The following LARGE1 variants were observed in gnomAD, a reference collection of about 807,000 sequenced individuals.
The protein encoded by LARGE1 is xylosyl- and glucuronyltransferase LARGE1.
A neutral mutation model predicts 87.6 loss-of-function variants in LARGE1; 43 were observed. The ratio of observed to expected loss-of-function variants is 0.49; its 90% confidence interval spans 0.38 to 0.63. The LOEUF (loss-of-function observed/expected upper bound fraction) is 0.63, where lower values mean the gene tolerates loss of function less well. Among genes scored for constraint, LARGE1 ranks in the 30% least tolerant of loss-of-function variants. LARGE1 has a pLI of 0.00. For missense variants in LARGE1, 802 were observed against 1,000.2 expected (o/e 0.80, Z 2.67); for synonymous variants, 434 against 394.6 (o/e 1.10, Z -1.18).
At chr22:33,240,069 G>A (rs1926443087) in intron 11 of LARGE1, among the ~76,000 whole-genome samples, 2 of 152,144 alleles carry the variant, frequency 1.3e-5, no homozygotes, top group Non-Finnish European at 2.9e-5. Flanking sequence ...GTAAGAAACT[G>A]CCAAACCTTT....
intron 2 of LARGE1, among the ~76,000 whole-genome samples, chr22:33,691,495 G>C (rs1365938503): frequency 6.6e-6 from 1 of 152,150 alleles, no homozygotes; most frequent in African/African-American, 2.4e-5. Flanking sequence ...TGACTGCACA[G>C]TAAGAAACTA....
At chr22:33,383,313 A>G (rs1487455753) in intron 8 of LARGE1, among the ~76,000 whole-genome samples, 4 of 152,204 alleles carry the variant, frequency 2.6e-5, no homozygotes, top group African/African-American at 4.8e-5. Flanking sequence ...TAATCCCAGC[A>G]CTTTGGGAGG....
exon 12 of LARGE1, chr22:33,165,803 T>C (rs771931220): frequency 8.6e-5 from 13 of 151,994 alleles, no homozygotes; most frequent in Non-Finnish European, 1.3e-4. Context: ...ATGAGATGAA[T>C]TTGAAAATCT....
intron 2 of LARGE1, among the ~76,000 whole-genome samples, chr22:33,689,006 A>C (rs1248053568): frequency 2.0e-5 from 3 of 152,106 alleles, no homozygotes; most frequent in African/African-American, 7.2e-5. Context: ...AAATGTAAAA[A>C]CACTACATTA....
At chr22:33,305,706 G>T in intron 11 of LARGE1, 1 of 523,700 alleles carries the variant, frequency 1.9e-6, no homozygotes, top group Non-Finnish European at 2.5e-6. Context: ...CAGTAATTCT[G>T]TTAAGTGGCA....
chr22:33,768,103 A>T (rs963474411), intron 1 of LARGE1, among the ~76,000 whole-genome samples: 3 of 152,174 alleles, frequency 2.0e-5, no homozygotes, highest in Non-Finnish European at 2.9e-5. Flanking sequence ...AGGTCAGGAG[A>T]TTGAGACCAT....
chr22:33,646,287 G>A (rs1053943236), intron 3 of LARGE1, among the ~76,000 whole-genome samples: 4 of 152,152 alleles, frequency 2.6e-5, no homozygotes, highest in Non-Finnish European at 5.9e-5. Context: ...CCTTTGTGGG[G>A]ACATGAATGA....
chr22:33,878,448 T>C (rs1348735703), intron 1 of LARGE1, among the ~76,000 whole-genome samples: 2 of 152,164 alleles, frequency 1.3e-5, no homozygotes, highest in African/African-American at 4.8e-5. Context: ...TGTATTTCTA[T>C]CTGACAAAAT....
At chr22:33,100,903 G>A in the LARGE1 span, among the ~76,000 whole-genome samples, 2 of 150,826 alleles carry the variant, frequency 1.3e-5, no homozygotes, top group Non-Finnish European at 1.5e-5. Context: ...GCAATGGTGC[G>A]ATCTCGGCTC....
At chr22:33,194,244 T>C (rs575170708) in intron 11 of LARGE1, among the ~76,000 whole-genome samples, 25 of 152,274 alleles carry the variant, frequency 1.6e-4, no homozygotes, top group African/African-American at 5.8e-4. Context: ...GGGGTTGTTA[T>C]GGGCATAAAT....
chr22:33,143,390 A>C, the LARGE1 span, among the ~76,000 whole-genome samples: 5 of 152,180 alleles, frequency 3.3e-5, no homozygotes, highest in African/African-American at 1.2e-4. Context: ...AATGTATTAA[A>C]CCATTCATCA....
At chr22:33,537,325 C>T (rs1298225389) in intron 6 of LARGE1, among the ~76,000 whole-genome samples, 1 of 152,212 alleles carries the variant, frequency 6.6e-6, no homozygotes, top group Non-Finnish European at 1.5e-5. Flanking sequence ...TTTCCAGCTT[C>T]CAGTGGCTGT....
chr22:33,412,183 C>G (rs1233773669), intron 7 of LARGE1, among the ~76,000 whole-genome samples: 3 of 152,066 alleles, frequency 2.0e-5, no homozygotes, highest in Non-Finnish European at 4.4e-5. Flanking sequence ...ACTCGAGAGG[C>G]TGAGGCAAGA....
At chr22:33,150,663 A>G in the LARGE1 span, among the ~76,000 whole-genome samples, 1 of 152,192 alleles carries the variant, frequency 6.6e-6, no homozygotes, top group Non-Finnish European at 1.5e-5. Flanking sequence ...ATTTTTGCCT[A>G]TGGAGATCCA....
chr22:33,782,150 T>C (rs1367692969), intron 1 of LARGE1, among the ~76,000 whole-genome samples: 1 of 152,244 alleles, frequency 6.6e-6, no homozygotes, highest in Non-Finnish European at 1.5e-5. Context: ...TTTTGGGTTC[T>C]GCTGTTTGTT....
At chr22:33,401,282 T>A (rs1033050928) in intron 7 of LARGE1, among the ~76,000 whole-genome samples, 3 of 152,118 alleles carry the variant, frequency 2.0e-5, no homozygotes, top group African/African-American at 7.2e-5. Context: ...GGACTGAATT[T>A]GGAAACAGGG....
chr22:33,838,740 C>T (rs2063183137), intron 1 of LARGE1, among the ~76,000 whole-genome samples: 1 of 152,190 alleles, frequency 6.6e-6, no homozygotes. Context: ...TGGGGAGTTC[C>T]AGAGGTTAAA....
chr22:33,824,324 A>C (rs760913953), intron 1 of LARGE1, among the ~76,000 whole-genome samples: 1 of 152,194 alleles, frequency 6.6e-6, no homozygotes, highest in African/African-American at 2.4e-5. Flanking sequence ...GAAACTTACA[A>C]TCATGGCAGA....
intron 6 of LARGE1, among the ~76,000 whole-genome samples, chr22:33,471,026 C>T (rs1601991357): frequency 7.3e-6 from 1 of 137,766 alleles, no homozygotes; most frequent in African/African-American, 2.8e-5. Context: ...CTTTCTTCTT[C>T]TTCTTTTTTT....
Sources: allele counts gnomAD v4.1 joint callset (sites outside exome capture counted in the v4.1 genomes callset), GRCh38; gene constraint gnomAD v4.1.1; transcripts MANE v1.5; gene names NCBI Gene and HGNC (gene_info 2026-07-23, HGNC 2026-07-21).